NSD2: variants seen among roughly 807,000 people sequenced by gnomAD.
NSD2 encodes histone-lysine N-methyltransferase NSD2.
NSD2 carries 12 observed loss-of-function variants against 139.0 expected under a neutral mutation model. That is an observed-to-expected ratio of 0.09 (90% confidence interval 0.06 to 0.14). The LOEUF (loss-of-function observed/expected upper bound fraction) is 0.14. Among genes scored for constraint, NSD2 ranks in the 10% least tolerant of loss-of-function variants. NSD2 has a pLI of 1.00. For synonymous variants in NSD2, 669 were observed against 648.7 expected, an observed-to-expected ratio of 1.03 and a Z score of -0.48; for missense variants, 1,155 against 1,745.0, an observed-to-expected ratio of 0.66 and a Z score of 6.02.
chr4:1,913,803 C>A (rs1432204744), intron 3 of NSD2, among the ~76,000 whole-genome samples: 1 of 152,084 alleles, frequency 6.6e-6, no homozygotes, highest in East Asian at 1.9e-4. Context: ...TCCCCTGTGC[C>A]CAGCTGTCTT....
At chr4:1,944,402 A>T in intron 9 of NSD2, 1 of 1,065,570 alleles carries the variant, frequency 9.4e-7, no homozygotes, top group Non-Finnish European at 1.1e-6. Flanking sequence ...AATAATGGTG[A>T]TACATTCTAG....
intron 10 of NSD2, among the ~76,000 whole-genome samples, chr4:1,951,491 C>G (rs1232475593): frequency 1.4e-5 from 2 of 140,822 alleles, no homozygotes; most frequent in African/African-American, 5.8e-5. Flanking sequence ...CACACACACA[C>G]ACACACACAC....
chr4:1,940,549 A>G (rs1722982527), intron 9 of NSD2: 1 of 1,063,926 alleles, frequency 9.4e-7, no homozygotes, highest in African/African-American at 1.6e-5. Context: ...ATTTTTAGGG[A>G]TTACCTTCAT....
Position 1,981,557 on chromosome 4 carries a change from C to T in NSD2, c.*2648C>T, listed in dbSNP as rs535099930. On this transcript the variant is annotated 3_prime_UTR_variant, in exon 22 of 22. Coordinates refer to ENST00000508803, the MANE Select transcript of NSD2 (RefSeq NM_001042424.3). ...GTGTGCGCCCACAGGGGGATGTGTC[C>T]GAATGGGCAGCTTAAAATGTGGTCA... 9.3e-6 allele frequency: 3 copies of T among 320,890 alleles called. No homozygotes were observed. The highest frequency in any genetic ancestry group is 4.9e-5 in the Admixed American group (1 of 20,310). The allele number at this position is 320,890 out of a possible 1,614,324, so 19.9% of individuals were successfully genotyped here.
chr4:1,905,758 G>A (rs1717810279), intron 3 of NSD2, among the ~76,000 whole-genome samples: 1 of 152,220 alleles, frequency 6.6e-6, no homozygotes, highest in African/African-American at 2.4e-5. Flanking sequence ...TGTGGCAGAA[G>A]AGCCTATGGC....
chr4:1,952,708 TG>T, intron 11 of NSD2: 2 of 1,072,354 alleles, frequency 1.9e-6, no homozygotes, highest in Non-Finnish European at 2.3e-6. Context: ...AGGCTTGTCC[TG>T]GGTTGTCAGT....
At chr4:1,949,895 G>T (rs1188634496) in intron 9 of NSD2, among the ~76,000 whole-genome samples, 1 of 152,200 alleles carries the variant, frequency 6.6e-6, no homozygotes, top group African/African-American at 2.4e-5. Context: ...TCACTGATAA[G>T]GTCACAGGAT....
chr4:1,872,587 TGTGTGAGAGAGAGAGAGAGAGA>T (rs1198263567), intron 1 of NSD2, among the ~76,000 whole-genome samples: 29 of 50,086 alleles, frequency 5.8e-4, no homozygotes, highest in African/African-American at 1.5e-3. Context: ...TGTGTGTGTG[TGTGTGAGAGAGAGAGAGAGAGA>T]GAGAGAGAGA....
intron 1 of NSD2, among the ~76,000 whole-genome samples, chr4:1,873,479 C>A (rs1396206407): frequency 6.6e-6 from 1 of 152,158 alleles, no homozygotes; most frequent in East Asian, 1.9e-4. Context: ...ATCAGCTTAT[C>A]CAGGGCTTTC....
chr4:1,890,201 TCAAC>T (rs1359929040), intron 1 of NSD2, among the ~76,000 whole-genome samples: 1 of 152,252 alleles, frequency 6.6e-6, no homozygotes, highest in African/African-American at 2.4e-5. Context: ...ATCATTTTGT[TCAAC>T]CATTCATCAG....
At position 1,934,233 on chromosome 4, in the gene NSD2, G is replaced by A. The variant is rs78441255; in HGVS notation, c.1556-911G>A. 1.4e-4 allele frequency among the ~76,000 whole-genome samples: 21 copies of A among 151,784 alleles called. No homozygotes were observed. The East Asian group carries it at 4.1e-3, about 30-fold the overall frequency. ...CCTGTGTAGCTGAGATTACAGACAT[G>A]TGCCACCATGCCTGGCTAATTTTGT... On this transcript the variant is annotated intron_variant, in intron 6 of 21. Coordinates refer to ENST00000508803, the MANE Select transcript of NSD2 (RefSeq NM_001042424.3).
chr4:1,967,604 C>A (rs1052784908), intron 18 of NSD2, among the ~76,000 whole-genome samples: 11 of 151,798 alleles, frequency 7.2e-5, no homozygotes, highest in Non-Finnish European at 1.6e-4. Context: ...ATATTTCCAA[C>A]TTAACAGTGG....
rs79783341 is a variant in NSD2, at chr4:1,975,895, A to C, written c.3621+495A>C. ...AACAGATCTCATTGACAATGACCCT[A>C]TTTCCAAATACAGTCACCTTCCAAG... On this transcript the variant is annotated intron_variant, in intron 20 of 21. Coordinates refer to ENST00000508803, the MANE Select transcript of NSD2 (RefSeq NM_001042424.3). Among the ~76,000 whole-genome samples the C allele has an allele frequency of 2.3e-3, 353 of 152,140 alleles. 5 individuals are homozygous for C. The highest frequency in any genetic ancestry group is 0.013 in the East Asian group (67 of 5,162).
At chr4:1,877,840 C>G (rs1002976170) in intron 1 of NSD2, among the ~76,000 whole-genome samples, 2 of 152,080 alleles carry the variant, frequency 1.3e-5, no homozygotes, top group African/African-American at 4.8e-5. Context: ...TTCTCCCTCT[C>G]GGGCACCTTC....
chr4:1,878,319 G>T (rs1714452696), intron 1 of NSD2, among the ~76,000 whole-genome samples: 1 of 136,036 alleles, frequency 7.4e-6, no homozygotes, highest in African/African-American at 2.8e-5. Context: ...TGTTGGCCAG[G>T]CTGGTCTCGA....
At chr4:1,941,086 A>G in intron 9 of NSD2, 1 of 1,056,110 alleles carries the variant, frequency 9.5e-7, no homozygotes. Flanking sequence ...TGAAACATCT[A>G]GGAGCTTACT....
chr4:1,915,610 T>A (rs1010490259), intron 3 of NSD2, among the ~76,000 whole-genome samples: 1 of 152,126 alleles, frequency 6.6e-6, no homozygotes, highest in African/African-American at 2.4e-5. Flanking sequence ...GGTCCAGGGG[T>A]TCCTTGGTGC....
At chr4:1,913,646 T>C (rs898113641) in intron 3 of NSD2, among the ~76,000 whole-genome samples, 1 of 152,206 alleles carries the variant, frequency 6.6e-6, no homozygotes, top group African/African-American at 2.4e-5. Context: ...GCCCCCTGTC[T>C]GGTGGACACA....
At chr4:1,916,634 G>C (rs62287003) in intron 3 of NSD2, among the ~76,000 whole-genome samples, 1,604 of 152,318 alleles carry the variant, frequency 0.011, 22 homozygotes, top group Middle Eastern at 0.014. Flanking sequence ...GAGGGACTGC[G>C]CCTGGCCTGG....
Sources: gnomAD v4.1 joint callset for allele counts (sites outside exome capture counted in the v4.1 genomes callset) on GRCh38, gnomAD v4.1.1 for gene constraint, MANE v1.5 for transcripts, NCBI Gene and HGNC (gene_info 2026-07-23, HGNC 2026-07-21) for gene names.